The following SPAG17 variants were observed in gnomAD, a reference collection of about 807,000 sequenced individuals.
The protein encoded by SPAG17 is sperm associated antigen 17.
A neutral mutation model predicts 273.6 loss-of-function variants in SPAG17; 169 were observed. The ratio of observed to expected loss-of-function variants is 0.62; its 90% confidence interval spans 0.55 to 0.70. SPAG17 has a LOEUF of 0.70. SPAG17 is among the 30% of genes least tolerant of loss of function. The pLI, the probability that SPAG17 is intolerant of heterozygous loss-of-function variation, is 0.00. For missense variants in SPAG17, 2,557 were observed against 2,627.8 expected, an observed-to-expected ratio of 0.97 and a Z score of 0.59; for synonymous variants, 825 against 873.2, an observed-to-expected ratio of 0.94 and a Z score of 0.97.
chr1:118,133,942 C>A (rs1368671457), intron 3 of SPAG17, among the ~76,000 whole-genome samples: 1 of 152,154 alleles, frequency 6.6e-6, no homozygotes, highest in East Asian at 1.9e-4. Flanking sequence ...TCACAAAACA[C>A]AGCCAATCAA....
At chr1:118,001,869 T>C (rs1186096888) in intron 32 of SPAG17, among the ~76,000 whole-genome samples, 2 of 152,210 alleles carry the variant, frequency 1.3e-5, no homozygotes, top group Admixed American at 6.5e-5. Context: ...TGCTAGCTTT[T>C]GAATTTGTTT....
intron 43 of SPAG17, among the ~76,000 whole-genome samples, chr1:117,976,574 C>G (rs71670814): frequency 1.3e-5 from 2 of 152,188 alleles, no homozygotes; most frequent in African/African-American, 4.8e-5. Context: ...CTGCTGGACT[C>G]TCTTGAGCTT....
intron 35 of SPAG17, 52 bp from the exon 36 acceptor site, chr1:117,992,700 C>T (rs1194088621): frequency 2.1e-6 from 3 of 1,410,284 alleles, no homozygotes; most frequent in Non-Finnish European, 2.8e-6. Flanking sequence ...AATGTTTTCA[C>T]ATTCAAATTT....
intron 43 of SPAG17, among the ~76,000 whole-genome samples, chr1:117,979,827 C>T (rs921320037): frequency 3.3e-5 from 5 of 152,190 alleles, no homozygotes; most frequent in African/African-American, 1.2e-4. Flanking sequence ...CTTTGCAGGG[C>T]TGACTCCTTC....
intron 13 of SPAG17, among the ~76,000 whole-genome samples, chr1:118,085,472 ACAGAAG>A (rs1206765130): frequency 6.6e-6 from 1 of 152,172 alleles, no homozygotes; most frequent in Non-Finnish European, 1.5e-5. Context: ...CAGGCAGAAG[ACAGAAG>A]GACAGCATTG....
chr1:118,181,046 A>T (rs1660914262), intron 1 of SPAG17, among the ~76,000 whole-genome samples: 1 of 151,868 alleles, frequency 6.6e-6, no homozygotes, highest in Admixed American at 6.6e-5. Flanking sequence ...AGCAATTGAT[A>T]TTAAGTTAGT....
At chr1:118,057,891 A>G (rs1651871927) in intron 18 of SPAG17, among the ~76,000 whole-genome samples, 1 of 151,712 alleles carries the variant, frequency 6.6e-6, no homozygotes, top group Non-Finnish European at 1.5e-5. Context: ...TCCAGATATA[A>G]GATAAAAATA....
chr1:118,101,848 T>G lies in SPAG17; in HGVS notation c.526A>C (p.Lys176Gln). The change falls in exon 5 of 49, where the codon AAG (lysine) becomes CAG (glutamine). Residue 176 changes from lysine (K) to glutamine (Q), a missense_variant. Transcript: ENST00000336338. ...SPKEKKAPSA[K>Q]PAKGKGKDQP... ...TCCTTTCCCTTTCCTTTGGCAGGCT[T>G]GGCACTTGGAGCCTTTTTCTCCTTG... The G allele has an allele frequency of 6.2e-7, 1 of 1,614,056 alleles. No homozygotes were observed. The highest frequency in any genetic ancestry group is 1.1e-5 in the South Asian group (1 of 91,076).
intron 19 of SPAG17, among the ~76,000 whole-genome samples, chr1:118,055,205 G>T (rs996789985): frequency 1.3e-5 from 2 of 151,852 alleles, no homozygotes; most frequent in African/African-American, 2.4e-5. Flanking sequence ...TATATATATT[G>T]ATCCAATATC....
chr1:118,152,531 A>G (rs1276520513), intron 1 of SPAG17, among the ~76,000 whole-genome samples: 1 of 152,144 alleles, frequency 6.6e-6, no homozygotes, highest in African/African-American at 2.4e-5. Flanking sequence ...AATCCTTCTT[A>G]TTTAGCTCCA....
Position 118,101,933 on chromosome 1 carries a change from T to C in SPAG17, c.448-7A>G, listed in dbSNP as rs765432790. On this transcript the variant is annotated splice_polypyrimidine_tract_variant and splice_region_variant and intron_variant, in intron 4 of 48. Transcript: ENST00000336338. ...TAGGTTTGTCTTCTATTACCTGGAA[T>C]GAGAGAACACTTTTTTCTCCAAATC... The C allele has an allele frequency of 6.2e-7, 1 of 1,606,284 alleles. No individual in the cohort carries two copies. The highest frequency in any genetic ancestry group is 2.2e-5 in the East Asian group (1 of 44,852).
chr1:117,957,217 A>G, intron 48 of SPAG17: 1 of 1,605,216 alleles, frequency 6.2e-7, no homozygotes, highest in East Asian at 2.2e-5. Context: ...TTTCCAAAGA[A>G]TACCATGTCT....
chr1:118,111,442 C>T (rs1267835877), intron 4 of SPAG17, among the ~76,000 whole-genome samples: 1 of 152,088 alleles, frequency 6.6e-6, no homozygotes, highest in East Asian at 1.9e-4. Context: ...AGTTCCTGCT[C>T]TTTCTCTGTT....
At chr1:118,079,136 G>C (rs1388676344) in intron 15 of SPAG17, among the ~76,000 whole-genome samples, 1 of 151,996 alleles carries the variant, frequency 6.6e-6, no homozygotes, top group African/African-American at 2.4e-5. Flanking sequence ...AATAATTTTT[G>C]TTAAGATTAG....
intron 21 of SPAG17, 48 bp downstream of exon 21, chr1:118,041,755 A>G (rs369972247): frequency 1.3e-6 from 2 of 1,571,542 alleles, no homozygotes; most frequent in African/African-American, 2.8e-5. Context: ...TTCCCAAAAC[A>G]ATTAGGAATA....
intron 28 of SPAG17, among the ~76,000 whole-genome samples, chr1:118,018,260 G>A (rs12047608): frequency 0.076 from 11,509 of 152,186 alleles, 635 homozygotes; most frequent in East Asian, 0.31. Flanking sequence ...ACTAAGTGTG[G>A]ATTATTAACA....
At chr1:118,005,835 G>A (rs140580999) in intron 31 of SPAG17, among the ~76,000 whole-genome samples, 8 of 152,148 alleles carry the variant, frequency 5.3e-5, no homozygotes, top group Middle Eastern at 3.4e-3. Context: ...TTATCTGCTC[G>A]CTTTAATATC....
intron 26 of SPAG17, among the ~76,000 whole-genome samples, chr1:118,027,549 T>A (rs929437041): frequency 6.6e-6 from 1 of 152,130 alleles, no homozygotes; most frequent in African/African-American, 2.4e-5. Flanking sequence ...GGACACATCA[T>A]TCGTTGGTGT....
intron 20 of SPAG17, among the ~76,000 whole-genome samples, chr1:118,051,522 A>C (rs1022891003): frequency 7.1e-6 from 1 of 140,886 alleles, no homozygotes; most frequent in Admixed American, 7.2e-5. Context: ...TCAACAGATA[A>C]ATGAATAAAG....
Sources: gnomAD v4.1 joint callset for allele counts (sites outside exome capture counted in the v4.1 genomes callset) on GRCh38, gnomAD v4.1.1 for gene constraint, MANE v1.5 for transcripts, NCBI Gene and HGNC (gene_info 2026-07-23, HGNC 2026-07-21) for gene names.